The following AFF2 variants were observed in gnomAD, a reference collection of about 807,000 sequenced individuals.
AFF2 encodes ALF transcription elongation factor 2.
Under a neutral mutation model 76.9 loss-of-function variants are expected in AFF2, and 14 were observed. The ratio of observed to expected loss-of-function variants is 0.18; its 90% CI spans 0.12 to 0.28. AFF2 has a LOEUF of 0.28. AFF2 is among the 10% of genes least tolerant of loss of function. AFF2 has a pLI of 1.00. For missense variants in AFF2, 868 were observed against 1,001.1 expected (o/e 0.87, Z 1.79); for synonymous variants, 398 against 366.7 (o/e 1.09, Z -0.98).
intron 4 of AFF2, among the ~76,000 whole-genome samples, 177 bp downstream of exon 4, chrX:148,810,097 T>C (rs782248991): frequency 9.8e-5 from 11 of 112,311 alleles, no homozygotes; most frequent in African/African-American, 3.6e-4. Context: ...CTTCTTTCCA[T>C]TTTGTAATCA....
chrX:148,760,565 A>G (rs1285834232), intron 3 of AFF2, among the ~76,000 whole-genome samples: 1 of 112,159 alleles, frequency 8.9e-6, no homozygotes, highest in African/African-American at 3.2e-5. Flanking sequence ...TGTAGTGCCA[A>G]TTGCATGCTC....
intron 1 of AFF2, among the ~76,000 whole-genome samples, chrX:148,565,392 A>G (rs782756248): frequency 9.0e-6 from 1 of 111,439 alleles, no homozygotes; most frequent in Non-Finnish European, 1.9e-5. Context: ...GAATATTTTT[A>G]TTAGAGATGA....
At chrX:148,574,985 T>TGTGTGA (rs1557243212) in intron 1 of AFF2, among the ~76,000 whole-genome samples, 2 of 86,257 alleles carry the variant, frequency 2.3e-5, no homozygotes, top group African/African-American at 4.3e-5. Flanking sequence ...TGTGTGTGTG[T>TGTGTGA]GAGAGAGAGA....
chrX:148,879,066 G>T (rs782407219), intron 7 of AFF2, among the ~76,000 whole-genome samples: 1 of 111,778 alleles, frequency 8.9e-6, no homozygotes, highest in Non-Finnish European at 1.9e-5. Context: ...AGTCATATAC[G>T]TCAGGGTTCA....
chrX:148,886,021 G>C (rs148137743), intron 8 of AFF2, 36 bp downstream of exon 8: 163 of 1,060,971 alleles, frequency 1.5e-4, no homozygotes, highest in African/African-American at 1.4e-3. Flanking sequence ...TGGGATGAAG[G>C]GGGGAGCAGG....
intron 8 of AFF2, among the ~76,000 whole-genome samples, chrX:148,894,728 A>G (rs1238489078): frequency 9.0e-6 from 1 of 111,309 alleles, no homozygotes; most frequent in Non-Finnish European, 1.9e-5. Flanking sequence ...GAACTACTAT[A>G]TGACCCAACA....
chrX:148,742,481 C>A (rs187631911), intron 3 of AFF2, among the ~76,000 whole-genome samples: 1 of 111,373 alleles, frequency 9.0e-6, no homozygotes, highest in Non-Finnish European at 1.9e-5. Context: ...GTTTCAAGTA[C>A]AATAAAAAGC....
At chrX:148,679,707 G>A (rs1229653143) in intron 3 of AFF2, among the ~76,000 whole-genome samples, 1 of 111,434 alleles carries the variant, frequency 9.0e-6, no homozygotes, top group African/African-American at 3.3e-5. Flanking sequence ...CAGTTGGTTG[G>A]GTGACATTCT....
chrX:148,873,586 C>T (rs2071003200), intron 7 of AFF2, among the ~76,000 whole-genome samples: 1 of 108,354 alleles, frequency 9.2e-6, no homozygotes, highest in Admixed American at 1.0e-4. Flanking sequence ...TTTTTTAAAC[C>T]TGAATTTCCT....
At chrX:148,628,395 A>C (rs2053948778) in intron 1 of AFF2, among the ~76,000 whole-genome samples, 1 of 111,593 alleles carries the variant, frequency 9.0e-6, no homozygotes, top group Admixed American at 9.6e-5. Context: ...AAGAGAAAGC[A>C]AACTACTTTT....
chrX:148,601,407 A>G (rs1266170942), intron 1 of AFF2, among the ~76,000 whole-genome samples: 1 of 111,948 alleles, frequency 8.9e-6, no homozygotes, highest in Admixed American at 9.5e-5. Context: ...ATCTATGTAA[A>G]TCGTCAATGA....
chrX:148,729,349 A>T (rs372588833), intron 3 of AFF2, among the ~76,000 whole-genome samples: 1 of 111,856 alleles, frequency 8.9e-6, no homozygotes, highest in African/African-American at 3.2e-5. Context: ...GAGAAAGGAC[A>T]TTTTTCATTC....
At chrX:148,605,830 A>G (rs1477591879) in intron 1 of AFF2, among the ~76,000 whole-genome samples, 1 of 112,281 alleles carries the variant, frequency 8.9e-6, no homozygotes, top group East Asian at 2.8e-4. Flanking sequence ...GAGTGAGTGA[A>G]TGAATGAAAT....
At chrX:148,620,150 T>G (rs1160538201) in intron 1 of AFF2, among the ~76,000 whole-genome samples, 1 of 110,913 alleles carries the variant, frequency 9.0e-6, no homozygotes, top group Non-Finnish European at 1.9e-5. Context: ...TCAGTTTTTC[T>G]TAGGGAAGAG....
At position 148,561,336 on chromosome X, in the gene AFF2, C is replaced by T. The variant is rs782324351; in HGVS notation, c.47+60192C>T. ...AAGAACTGGCTCTAGGGTATTTTCT[C>T]TTATAACCATCAGGCAGGGAGTCTT... On this transcript the variant is annotated intron_variant, in intron 1 of 20. Transcript: ENST00000370460. Among the ~76,000 whole-genome samples the T allele has an allele frequency of 6.3e-5, 7 of 111,877 alleles. 1 individual carries two copies. The South Asian group carries it at 2.2e-3, about 36-fold the overall frequency.
intron 3 of AFF2, among the ~76,000 whole-genome samples, chrX:148,801,167 G>T (rs2070053429): frequency 8.9e-6 from 1 of 111,897 alleles, no homozygotes; most frequent in African/African-American, 3.3e-5. Flanking sequence ...GCCTCTTCTA[G>T]ATTAGAGCAT....
chrX:148,501,248 C>T, intron 1 of AFF2, 104 bp downstream of exon 1: 9 of 1,031,612 alleles, frequency 8.7e-6, no homozygotes, highest in East Asian at 3.2e-5. Context: ...GGGGGGCGCC[C>T]CGGACTCCCT....
chrX:148,945,832 C>G (rs1205861471), intron 9 of AFF2, among the ~76,000 whole-genome samples: 1 of 112,228 alleles, frequency 8.9e-6, no homozygotes, highest in African/African-American at 3.2e-5. Flanking sequence ...CACTCAAAAG[C>G]AGATCATCTG....
chrX:148,830,511 A>G (rs1465568445), intron 4 of AFF2, among the ~76,000 whole-genome samples: 1 of 112,061 alleles, frequency 8.9e-6, no homozygotes, highest in Non-Finnish European at 1.9e-5. Context: ...GGCCTGTCTG[A>G]GAAATAAAGG....
Sources: allele counts gnomAD v4.1 joint callset (sites outside exome capture counted in the v4.1 genomes callset), GRCh38; gene constraint gnomAD v4.1.1; transcripts MANE v1.5; gene names NCBI Gene and HGNC (gene_info 2026-07-23, HGNC 2026-07-21).